The following FMN2 variants were observed in gnomAD, a reference collection of about 807,000 sequenced individuals.
FMN2 encodes the protein formin 2.
In FMN2, 51 loss-of-function variants were observed where a neutral mutation model predicts 142.3. The ratio of observed to expected loss-of-function variants is 0.36; its 90% CI spans 0.29 to 0.45. The LOEUF is 0.45. Among genes scored for constraint, FMN2 ranks in the 20% least tolerant of loss-of-function variants. FMN2 has a pLI of 1.00. For synonymous variants in FMN2, 882 were observed against 869.8 expected, an observed-to-expected ratio of 1.01 and a Z score of -0.25; for missense variants, 1,936 against 2,122.8, an observed-to-expected ratio of 0.91 and a Z score of 1.73.
intron 8 of FMN2, among the ~76,000 whole-genome samples, chr1:240,295,783 G>T (rs1171453217): frequency 2.0e-5 from 3 of 152,196 alleles, no homozygotes; most frequent in East Asian, 3.8e-4. Context: ...ATTCCCAGAA[G>T]TAGAATTGCT....
At chr1:240,219,034 G>A (rs1269065299) in intron 6 of FMN2, among the ~76,000 whole-genome samples, 2 of 152,166 alleles carry the variant, frequency 1.3e-5, no homozygotes, top group East Asian at 3.9e-4. Context: ...AATATGTAGA[G>A]AGGATTAAGG....
At chr1:240,237,257 G>T (rs1558385835) in intron 6 of FMN2, among the ~76,000 whole-genome samples, 2 of 152,156 alleles carry the variant, frequency 1.3e-5, no homozygotes, top group Non-Finnish European at 2.9e-5. Context: ...TAATTAACAG[G>T]TATAGTCGGA....
intron 14 of FMN2, among the ~76,000 whole-genome samples, chr1:240,357,668 T>C (rs1311170738): frequency 6.7e-6 from 1 of 150,252 alleles, no homozygotes; most frequent in African/African-American, 2.5e-5. Context: ...TGTCCAGTGG[T>C]GTGATCTCAG....
At chr1:240,403,803 A>G (rs959168056) in intron 15 of FMN2, among the ~76,000 whole-genome samples, 1 of 152,226 alleles carries the variant, frequency 6.6e-6, no homozygotes, top group Non-Finnish European at 1.5e-5. Flanking sequence ...GTATAGTTTA[A>G]AAATGTACTC....
At chr1:240,284,474 T>C (rs7519158) in intron 7 of FMN2, among the ~76,000 whole-genome samples, 35,267 of 151,972 alleles carry the variant, frequency 0.23, 4,135 homozygotes, top group Middle Eastern at 0.27. Context: ...TCTCTTTAAT[T>C]CCACTAGAAT....
At chr1:240,105,808 T>G (rs961467916) in intron 1 of FMN2, among the ~76,000 whole-genome samples, 1 of 152,204 alleles carries the variant, frequency 6.6e-6, no homozygotes, top group Admixed American at 6.5e-5. Flanking sequence ...TAAAGTTTAT[T>G]TAGTAAAATC....
chr1:240,299,858 A>G (rs529412210), intron 8 of FMN2, among the ~76,000 whole-genome samples: 1 of 152,226 alleles, frequency 6.6e-6, no homozygotes, highest in African/African-American at 2.4e-5. Context: ...TTTGGTGCAC[A>G]AAGCGGAACA....
intron 1 of FMN2, among the ~76,000 whole-genome samples, chr1:240,107,430 T>G (rs1661655130): frequency 6.6e-6 from 1 of 152,178 alleles, no homozygotes; most frequent in African/African-American, 2.4e-5. Context: ...CCAAGTGATT[T>G]TAGAAGCTGC....
intron 16 of FMN2, among the ~76,000 whole-genome samples, chr1:240,451,962 T>C (rs973366389): frequency 5.3e-5 from 8 of 151,854 alleles, no homozygotes; most frequent in African/African-American, 9.7e-5. Flanking sequence ...GAGGCCGAGG[T>C]GGGCAGATCA....
At chr1:240,443,247 C>T (rs1049981573) in intron 16 of FMN2, among the ~76,000 whole-genome samples, 1 of 152,186 alleles carries the variant, frequency 6.6e-6, no homozygotes, top group African/African-American at 2.4e-5. Flanking sequence ...TCCATATCTA[C>T]ACTAGGTGAT....
chr1:240,287,900 A>C (rs7526753), intron 7 of FMN2, among the ~76,000 whole-genome samples: 10,104 of 152,248 alleles, frequency 0.066, 1,120 homozygotes, highest in African/African-American at 0.23. Context: ...TTGTGTGGTC[A>C]CTGTGCCCCA....
At chr1:240,302,591 T>A (rs10926209) in intron 8 of FMN2, among the ~76,000 whole-genome samples, 55,303 of 151,758 alleles carry the variant, frequency 0.36, 10,426 homozygotes, top group African/African-American at 0.45. Flanking sequence ...ATTTGAAAAA[T>A]TAGTAACTAT....
At chr1:240,352,249 G>A (rs1436365242) in intron 13 of FMN2, among the ~76,000 whole-genome samples, 1 of 152,144 alleles carries the variant, frequency 6.6e-6, no homozygotes, top group Non-Finnish European at 1.5e-5. Flanking sequence ...AGCACCTAGA[G>A]CAGTCCCTTG....
chr1:240,112,277 A>G (rs1490824175), intron 1 of FMN2, among the ~76,000 whole-genome samples: 1 of 151,786 alleles, frequency 6.6e-6, no homozygotes, highest in Non-Finnish European at 1.5e-5. Context: ...GACTACAGGC[A>G]CGCACCACCA....
At chr1:240,396,197 C>A (rs1183168518) in intron 15 of FMN2, among the ~76,000 whole-genome samples, 2 of 151,990 alleles carry the variant, frequency 1.3e-5, no homozygotes, top group Admixed American at 6.6e-5. Flanking sequence ...GTAAACATAA[C>A]TTTTATATGC....
At chr1:240,325,941 A>G (rs1478177466) in intron 8 of FMN2, among the ~76,000 whole-genome samples, 1 of 152,220 alleles carries the variant, frequency 6.6e-6, no homozygotes, top group Non-Finnish European at 1.5e-5. Flanking sequence ...AACAGAATAT[A>G]TTAAATGTCT....
rs116445013 is a variant in FMN2, at chr1:240,384,508, G to C, written c.4859-8003G>C. Among the ~76,000 whole-genome samples, 918 of 152,034 alleles carry C rather than the reference G, an allele frequency of 6.0e-3. 10 individuals are homozygous for C. The highest frequency in any genetic ancestry group is 0.021 in the African/African-American group (883 of 41,476). On this transcript the variant is annotated intron_variant, in intron 14 of 17. Coordinates refer to ENST00000319653, the MANE Select transcript of FMN2 (RefSeq NM_020066.5). ...ACATCTCGAACTATGGTGCACCTTTGCTTCTGTGTCTTTTTTCCCACTGTT... is the reference window on the plus strand; with the variant it reads ...ACATCTCGAACTATGGTGCACCTTTCCTTCTGTGTCTTTTTTCCCACTGTT...
rs878951196 is a variant in FMN2 at position 240,473,418 on chromosome 1, T to C, written c.5143-710T>C. The stretch of plus-strand genomic sequence containing the variant: ...ACTGTTTTGAGGGATTATCACTTGG[T>C]ACCACAGTGTAAGTAAATGTTTTAA... On this transcript the variant is annotated intron_variant, in intron 17 of 17. Transcript: ENST00000319653. This position sits in a 1 kb window ranked among gnomAD's most constrained non-coding sequence, Gnocchi z 4.3. Among the ~76,000 whole-genome samples, 1 of 152,206 alleles carries C rather than the reference T, an allele frequency of 6.6e-6. No individual in the cohort carries two copies. Among genetic ancestry groups the C allele is most frequent in the Non-Finnish European group, 1.5e-5 (1 of 68,028 alleles).
At chr1:240,151,142 C>T (rs1187163160) in intron 2 of FMN2, among the ~76,000 whole-genome samples, 3 of 152,142 alleles carry the variant, frequency 2.0e-5, no homozygotes, top group South Asian at 4.1e-4. Context: ...CTACTTTATT[C>T]TATTGAAGTA....
Sources: allele counts gnomAD v4.1 joint callset (sites outside exome capture counted in the v4.1 genomes callset), GRCh38; gene constraint gnomAD v4.1.1; non-coding constraint Gnocchi (gnomAD v3.1); transcripts MANE v1.5; gene names NCBI Gene and HGNC (gene_info 2026-07-23, HGNC 2026-07-21).